EXOC6B: variants seen among roughly 807,000 people sequenced by gnomAD.
EXOC6B encodes the protein SEC15 homolog B.
Under a neutral mutation model 113.5 loss-of-function variants are expected in EXOC6B, and 54 were observed. That is an observed-to-expected ratio of 0.48 (90% CI 0.38 to 0.60). The LOEUF is 0.60. EXOC6B is among the 20% of genes least tolerant of loss of function. EXOC6B has a pLI of 0.00. For synonymous variants in EXOC6B, 357 were observed against 339.0 expected, an observed-to-expected ratio of 1.05 and a Z score of -0.58; for missense variants, 797 against 977.5, an observed-to-expected ratio of 0.82 and a Z score of 2.46.
At chr2:72,369,117 C>A (rs1205930433) in intron 19 of EXOC6B, among the ~76,000 whole-genome samples, 1 of 152,164 alleles carries the variant, frequency 6.6e-6, no homozygotes, top group African/African-American at 2.4e-5. Context: ...TAGAAAACCC[C>A]ACTGTCTCAG....
At chr2:72,367,005 A>G (rs1690662776) in intron 19 of EXOC6B, among the ~76,000 whole-genome samples, 1 of 152,146 alleles carries the variant, frequency 6.6e-6, no homozygotes, top group Admixed American at 6.6e-5. Flanking sequence ...TACAGTAAAC[A>G]CATGGGTAAT....
chr2:72,265,268 T>TATTATTATTATTATTATA (rs1683995863), intron 20 of EXOC6B, among the ~76,000 whole-genome samples: 2 of 150,256 alleles, frequency 1.3e-5, no homozygotes, highest in African/African-American at 4.9e-5. Flanking sequence ...TTATTATTAT[T>TATTATTATTATTATTATA]ATACTTTAAG....
At chr2:72,278,087 A>T (rs976637251) in intron 20 of EXOC6B, among the ~76,000 whole-genome samples, 6 of 152,214 alleles carry the variant, frequency 3.9e-5, no homozygotes, top group Non-Finnish European at 8.8e-5. Flanking sequence ...TGTTTGCTAC[A>T]TTAAACTCAA....
chr2:72,628,727 C>G (rs1293312222), intron 6 of EXOC6B, among the ~76,000 whole-genome samples: 4 of 152,086 alleles, frequency 2.6e-5, no homozygotes, highest in Admixed American at 6.5e-5. Flanking sequence ...TCACCAGAAC[C>G]CAACCATGCT....
chr2:72,649,732 A>G (rs932315543), intron 6 of EXOC6B, among the ~76,000 whole-genome samples: 1 of 152,198 alleles, frequency 6.6e-6, no homozygotes, highest in Non-Finnish European at 1.5e-5. Context: ...ACATAATTCA[A>G]TGGAACAGAA....
chr2:72,513,291 T>G, intron 10 of EXOC6B, 39 bp from the exon 11 acceptor site: 1 of 1,609,292 alleles, frequency 6.2e-7, no homozygotes, highest in Non-Finnish European at 8.5e-7. Context: ...CTGTCAGAAA[T>G]TACAGTTTTA....
intron 20 of EXOC6B, among the ~76,000 whole-genome samples, chr2:72,265,703 G>A (rs867186349): frequency 0.025 from 3,823 of 151,364 alleles, 148 homozygotes; most frequent in African/African-American, 0.086. Flanking sequence ...GAATAGTGCC[G>A]CAATAAACAT....
At chr2:72,284,802 A>G (rs1268608360) in intron 20 of EXOC6B, among the ~76,000 whole-genome samples, 1 of 152,072 alleles carries the variant, frequency 6.6e-6, no homozygotes, top group East Asian at 1.9e-4. Context: ...AGGTTAATAT[A>G]CAAAAATTAT....
intron 1 of EXOC6B, among the ~76,000 whole-genome samples, chr2:72,783,639 T>C (rs949096596): frequency 1.9e-4 from 29 of 152,134 alleles, no homozygotes; most frequent in African/African-American, 6.8e-4. Flanking sequence ...GTCATTTCTA[T>C]GTCTCCTTTT....
chr2:72,789,195 A>G (rs1684538948), intron 1 of EXOC6B, among the ~76,000 whole-genome samples: 1 of 152,250 alleles, frequency 6.6e-6, no homozygotes, highest in Admixed American at 6.5e-5. Flanking sequence ...AAGCCTCCCA[A>G]AATCCCAAAG....
chr2:72,687,275 T>C (rs778976776), intron 6 of EXOC6B, among the ~76,000 whole-genome samples: 1 of 152,210 alleles, frequency 6.6e-6, no homozygotes, highest in Non-Finnish European at 1.5e-5. Context: ...CTCAGAAATA[T>C]ATAAATTGTT....
chr2:72,353,386 T>TGTATTGTATTGTATTGTATTGTATTGTA (rs774320429), intron 19 of EXOC6B, among the ~76,000 whole-genome samples: 70 of 151,470 alleles, frequency 4.6e-4, no homozygotes, highest in African/African-American at 8.0e-4. Flanking sequence ...TGTATCGTAT[T>TGTATTGTATTGTATTGTATTGTATTGTA]TTTGAGATGG....
chr2:72,369,947 A>T (rs79688192), intron 19 of EXOC6B, among the ~76,000 whole-genome samples: 20,708 of 152,196 alleles, frequency 0.14, 1,729 homozygotes, highest in African/African-American at 0.24. Flanking sequence ...GGACATAGGC[A>T]TGGGCAAGGA....
At position 72,224,994 on chromosome 2, in the gene EXOC6B, G is replaced by GTGTA. The variant is rs908047817; in HGVS notation, c.2197-40808_2197-40807insTACA. 1.9e-4 allele frequency among the ~76,000 whole-genome samples: 26 copies of GTGTA among 137,228 alleles called. 1 individual carries two copies. The highest frequency in any genetic ancestry group is 2.6e-4 in the Non-Finnish European group (16 of 62,272). 90.0% of individuals were successfully genotyped at this position (137,228 alleles called of 152,430 possible). Reference sequence around the variant, plus strand: ...CATCTCTCTCTGTATGTGTGTGTGTGTATATATATATAAATACACATACTT... The same window carrying GTGTA: ...CATCTCTCTCTGTATGTGTGTGTGTGTGTATATATATATATAAATACACATACTT... On this transcript the variant is annotated intron_variant, in intron 20 of 21. Transcript: ENST00000272427.
rs981051249 is a variant in EXOC6B at position 72,621,546 on chromosome 2, A to G, written c.670-45878T>C. On this transcript the variant is annotated intron_variant, in intron 6 of 21. Coordinates refer to ENST00000272427, the MANE Select transcript of EXOC6B (RefSeq NM_015189.3). ...GGGGATGTGGGTTGAAAACCTACCTATTGGGTACTATGCTCACTACCTGGG... is the reference window on the plus strand; with the variant it reads ...GGGGATGTGGGTTGAAAACCTACCTGTTGGGTACTATGCTCACTACCTGGG... 2.6e-4 allele frequency among the ~76,000 whole-genome samples: 40 copies of G among 152,278 alleles called. 1 individual carries two copies. The highest frequency in any genetic ancestry group is 8.7e-4 in the African/African-American group (36 of 41,554).
chr2:72,741,253 T>C, intron 2 of EXOC6B, 51 bp downstream of exon 2: 4 of 1,547,720 alleles, frequency 2.6e-6, no homozygotes, highest in African/African-American at 1.4e-5. Flanking sequence ...TTAATCCTAA[T>C]CAAAACCCCA....
At chr2:72,622,927 T>C (rs1453453307) in intron 6 of EXOC6B, among the ~76,000 whole-genome samples, 2 of 152,160 alleles carry the variant, frequency 1.3e-5, no homozygotes, top group Non-Finnish European at 2.9e-5. Flanking sequence ...AGAAACTGAT[T>C]GGTAGTATCT....
In EXOC6B at chr2:72,825,858, T is replaced by C; in HGVS notation, c.53A>G (p.His18Arg). Residue 18 changes from histidine (H) to arginine (R), a missense_variant, in exon 1 of 22, where the codon CAC becomes CGC. By Grantham distance (29) the His-to-Arg change is conservative. Transcript: ENST00000272427. This position sits in a 1 kb window ranked among gnomAD's most constrained non-coding sequence, Gnocchi z 4.4. ...CTCGATCTCTCGCAGGATCCGCTCG[T>C]GCTCTGCCGCTGTCTCCAGGCTCTC... is the stretch of plus-strand genomic sequence containing the variant. ...EAESLETAAE[H>R]ERILREIEST... 6.2e-7 allele frequency: 1 copy of C among 1,613,608 alleles called. No homozygotes were observed. The highest frequency in any genetic ancestry group is 8.5e-7 in the Non-Finnish European group (1 of 1,179,732).
chr2:72,219,487 T>C (rs1680734904), intron 20 of EXOC6B, among the ~76,000 whole-genome samples: 1 of 152,156 alleles, frequency 6.6e-6, no homozygotes, highest in South Asian at 2.1e-4. Flanking sequence ...ATTGTCATTC[T>C]AGTCTTGAGG....
Sources: gnomAD v4.1 joint callset for allele counts (sites outside exome capture counted in the v4.1 genomes callset) on GRCh38, gnomAD v4.1.1 for gene constraint, Gnocchi (gnomAD v3.1) non-coding constraint, MANE v1.5 for transcripts, NCBI Gene and HGNC (gene_info 2026-07-23, HGNC 2026-07-21) for gene names.